LY96: variants seen among roughly 807,000 people sequenced by gnomAD.
LY96 encodes the protein myeloid differentiation protein-2.
A neutral mutation model predicts 18.9 loss-of-function variants in LY96; 18 were observed. That is an observed-to-expected ratio of 0.95 (90% confidence interval 0.66 to 1.41). LY96 has a LOEUF of 1.41. LY96 is among the 40% of genes most tolerant of loss of function. The pLI is 0.00. For missense variants in LY96, 175 were observed against 182.4 expected, an observed-to-expected ratio of 0.96 and a Z score of 0.23; for synonymous variants, 66 against 62.6, an observed-to-expected ratio of 1.06 and a Z score of -0.26.
intron 1 of LY96, among the ~76,000 whole-genome samples, chr8:73,992,241 C>T (rs544945372): frequency 3.3e-5 from 5 of 152,194 alleles, no homozygotes; most frequent in Non-Finnish European, 7.4e-5. Context: ...TAGCAAGTGT[C>T]CTGGGATCTG....
At chr8:74,034,784 C>T in the LY96 span, among the ~76,000 whole-genome samples, 7 of 152,152 alleles carry the variant, frequency 4.6e-5, no homozygotes, top group South Asian at 4.2e-4. Context: ...CTTCTAGGCC[C>T]GGGGACTGTC....
At chr8:74,030,351 A>G (rs565839220), downstream of LY96, among the ~76,000 whole-genome samples, 1 of 152,266 alleles carries the variant, frequency 6.6e-6, no homozygotes, top group East Asian at 1.9e-4. Context: ...TGTCTCTTCT[A>G]AAAATACAGA....
At chr8:74,008,853 G>A (rs1267177829) in intron 2 of LY96, among the ~76,000 whole-genome samples, 1 of 152,168 alleles carries the variant, frequency 6.6e-6, no homozygotes, top group Non-Finnish European at 1.5e-5. Context: ...GAGAAATCCA[G>A]GAGTCGATGA....
At chr8:74,072,529 C>G in the LY96 span, among the ~76,000 whole-genome samples, 1 of 152,094 alleles carries the variant, frequency 6.6e-6, no homozygotes, top group Non-Finnish European at 1.5e-5. Flanking sequence ...GAAAAGCTGA[C>G]CTGATAATGT....
At chr8:74,077,669 T>C in the LY96 span, among the ~76,000 whole-genome samples, 2 of 151,894 alleles carry the variant, frequency 1.3e-5, no homozygotes, top group East Asian at 3.8e-4. Context: ...AAGATAAATA[T>C]AGAAAAATAC....
intron 3 of LY96, among the ~76,000 whole-genome samples, chr8:74,025,132 G>C (rs1816843939): frequency 6.6e-6 from 1 of 152,128 alleles, no homozygotes; most frequent in African/African-American, 2.4e-5. Context: ...CAGCTGGAAT[G>C]GTTTCTTAAA....
chr8:74,024,323 T>A (rs879627300), intron 3 of LY96, among the ~76,000 whole-genome samples: 3 of 150,582 alleles, frequency 2.0e-5, no homozygotes, highest in Non-Finnish European at 4.4e-5. Context: ...GTTAATGAGA[T>A]AGAGCCTATT....
chr8:74,006,823 G>C (rs959250758), intron 2 of LY96, among the ~76,000 whole-genome samples: 1 of 152,090 alleles, frequency 6.6e-6, no homozygotes, highest in Non-Finnish European at 1.5e-5. Flanking sequence ...GCCCTTACTC[G>C]CAGGAAACAG....
chr8:74,097,695 G>A, the LY96 span, among the ~76,000 whole-genome samples: 1 of 152,062 alleles, frequency 6.6e-6, no homozygotes, highest in East Asian at 1.9e-4. Context: ...CACAGAGCAA[G>A]ACTCTGTCTC....
intron 1 of LY96, among the ~76,000 whole-genome samples, chr8:73,991,800 C>T (rs189405667): frequency 4.6e-5 from 7 of 152,276 alleles, no homozygotes; most frequent in South Asian, 2.1e-4. Flanking sequence ...CTGTTCCCTG[C>T]GTCATCTTTC....
rs574457098 is a variant in LY96 at position 74,002,485 on chromosome 8, A to G, written c.113-2311A>G. On this transcript the variant is annotated intron_variant, in intron 1 of 4. Transcript: ENST00000284818. ...CTCTGAGTTCACTGATCCTTTCTCTACTTGGTCTAGTCTGCTGCTGAACCC... is the reference window on the plus strand; with the variant it reads ...CTCTGAGTTCACTGATCCTTTCTCTGCTTGGTCTAGTCTGCTGCTGAACCC... 1.0e-4 allele frequency among the ~76,000 whole-genome samples: 15 copies of G among 149,786 alleles called. 1 individual carries two copies. In the East Asian group the frequency reaches 2.7e-3, roughly 27 times the overall value.
At chr8:74,083,539 C>A in the LY96 span, among the ~76,000 whole-genome samples, 4 of 152,050 alleles carry the variant, frequency 2.6e-5, no homozygotes, top group African/African-American at 9.7e-5. Context: ...GATGACCACA[C>A]CTAAAAAATT....
chr8:74,094,525 T>TG, the LY96 span, among the ~76,000 whole-genome samples: 2 of 152,232 alleles, frequency 1.3e-5, no homozygotes, highest in African/African-American at 2.4e-5. Flanking sequence ...TCTTTTCAAA[T>TG]GTGCTACAAA....
At chr8:74,051,587 C>A in the LY96 span, among the ~76,000 whole-genome samples, 2 of 152,138 alleles carry the variant, frequency 1.3e-5, no homozygotes, top group Admixed American at 1.3e-4. Context: ...GTGTTGCAAT[C>A]CTAATCCCCA....
At chr8:74,038,899 G>T in the LY96 span, among the ~76,000 whole-genome samples, 1 of 152,200 alleles carries the variant, frequency 6.6e-6, no homozygotes, top group Non-Finnish European at 1.5e-5. Context: ...GGATTGTACA[G>T]TAGCTCTATT....
intron 1 of LY96, among the ~76,000 whole-genome samples, chr8:73,995,050 C>G (rs1816095074): frequency 6.6e-6 from 1 of 152,062 alleles, no homozygotes; most frequent in Admixed American, 6.6e-5. Flanking sequence ...GCCATGAAGG[C>G]TCTTCTCTCA....
At chr8:74,053,250 T>G in the LY96 span, among the ~76,000 whole-genome samples, 2 of 152,208 alleles carry the variant, frequency 1.3e-5, no homozygotes, top group Non-Finnish European at 2.9e-5. Flanking sequence ...GTCTCTTATA[T>G]TTGTCCCCTT....
At chr8:74,041,060 G>A in the LY96 span, among the ~76,000 whole-genome samples, 1 of 152,152 alleles carries the variant, frequency 6.6e-6, no homozygotes, top group African/African-American at 2.4e-5. Flanking sequence ...GGAGGGATCA[G>A]CTGGAGCCGC....
At chr8:74,029,375 A>G (rs908628785), downstream of LY96, among the ~76,000 whole-genome samples, 7 of 152,176 alleles carry the variant, frequency 4.6e-5, no homozygotes, top group Admixed American at 3.9e-4. Context: ...TTCAAATCTC[A>G]TCTTGAATTG....
Sources: gnomAD v4.1 joint callset for allele counts (sites outside exome capture counted in the v4.1 genomes callset) on GRCh38, gnomAD v4.1.1 for gene constraint, MANE v1.5 for transcripts, NCBI Gene and HGNC (gene_info 2026-07-23, HGNC 2026-07-21) for gene names.